The following PDZD2 variants were observed in gnomAD, a reference collection of about 807,000 sequenced individuals.
The protein encoded by PDZD2 is PDZ domain-containing protein 2.
A neutral mutation model predicts 220.7 loss-of-function variants in PDZD2; 90 were observed. The observed-to-expected ratio is 0.41, with a 90% CI of 0.34 to 0.49. The LOEUF is 0.49. Among genes scored for constraint, PDZD2 ranks in the 20% least tolerant of loss-of-function variants. PDZD2 has a pLI of 0.28. For synonymous variants in PDZD2, 1,375 were observed against 1,450.5 expected (o/e 0.95, Z 1.18); for missense variants, 3,174 against 3,608.5 (o/e 0.88, Z 3.08).
At chr5:31,860,657 T>G (rs1271020968) in intron 2 of PDZD2, among the ~76,000 whole-genome samples, 1 of 152,168 alleles carries the variant, frequency 6.6e-6, no homozygotes, top group African/African-American at 2.4e-5. Context: ...AACTTTCATC[T>G]CAGCAGTAGT....
intron 6 of PDZD2, among the ~76,000 whole-genome samples, chr5:32,017,814 G>T (rs1048212833): frequency 6.6e-6 from 1 of 152,178 alleles, no homozygotes; most frequent in East Asian, 1.9e-4. Context: ...AAATAAGTGG[G>T]ATATAAGTGA....
chr5:31,928,340 A>G (rs1217230249), intron 2 of PDZD2, among the ~76,000 whole-genome samples: 1 of 152,212 alleles, frequency 6.6e-6, no homozygotes, highest in Admixed American at 6.5e-5. Flanking sequence ...AGGTGCTGGT[A>G]AATACTTCTC....
At chr5:31,668,464 A>C (rs1746090122) in intron 1 of PDZD2, among the ~76,000 whole-genome samples, 1 of 152,180 alleles carries the variant, frequency 6.6e-6, no homozygotes, top group African/African-American at 2.4e-5. Context: ...TGCCCAAATA[A>C]ATCCTTGGAT....
At chr5:31,704,743 C>T (rs766267674) in intron 1 of PDZD2, among the ~76,000 whole-genome samples, 1 of 152,166 alleles carries the variant, frequency 6.6e-6, no homozygotes, top group Non-Finnish European at 1.5e-5. Flanking sequence ...ACTCCCCTCA[C>T]CTAAATTAAG....
intron 2 of PDZD2, among the ~76,000 whole-genome samples, chr5:31,975,889 G>A (rs530658502): frequency 2.8e-5 from 4 of 141,512 alleles, no homozygotes; most frequent in East Asian, 4.1e-4. Flanking sequence ...CTGCAGCCTC[G>A]ACCTCCTAGG....
chr5:32,070,582 G>C (rs530030858), intron 15 of PDZD2, among the ~76,000 whole-genome samples: 48 of 152,320 alleles, frequency 3.2e-4, no homozygotes, highest in African/African-American at 1.2e-3. Flanking sequence ...AACTAAAATA[G>C]ATATTCAGTC....
chr5:31,665,375 C>G (rs780152054), intron 1 of PDZD2, among the ~76,000 whole-genome samples: 1 of 152,186 alleles, frequency 6.6e-6, no homozygotes, highest in Non-Finnish European at 1.5e-5. Context: ...CCCCAAGAAG[C>G]CTTTCCTGGA....
At chr5:31,653,978 G>A (rs530598189) in intron 1 of PDZD2, among the ~76,000 whole-genome samples, 2 of 152,224 alleles carry the variant, frequency 1.3e-5, no homozygotes, top group South Asian at 4.2e-4. Context: ...TAGAGACGGG[G>A]TTTCACCGTG....
At position 32,089,586 on chromosome 5, in the gene PDZD2, C is replaced by G; in HGVS notation, c.6138C>G (p.Ser2046=). 1 of 1,612,496 alleles carries G rather than the reference C, an allele frequency of 6.2e-7. No homozygotes were observed. The highest frequency in any genetic ancestry group is 8.5e-7 in the Non-Finnish European group (1 of 1,179,988). ...CGGCAGCGTCTAGGAACGGCATGTC[C>G]GTGGCAGGGAACAGACAGAGTGAGC... ...VSPAASRNGM[S]VAGNRQSEPR... is the part of the protein sequence containing the mutation. The change falls in exon 20 of 25, where the codon TCC becomes TCG. Residue 2046 remains serine (S), a synonymous_variant. Transcript: ENST00000438447.
intron 1 of PDZD2, among the ~76,000 whole-genome samples, chr5:31,778,692 G>C (rs1179066873): frequency 6.6e-6 from 1 of 152,104 alleles, no homozygotes; most frequent in African/African-American, 2.4e-5. Context: ...TCACCGGGAG[G>C]GTCCGCGGCT....
intron 2 of PDZD2, among the ~76,000 whole-genome samples, chr5:31,815,699 C>G (rs946391086): frequency 1.3e-5 from 2 of 152,138 alleles, no homozygotes; most frequent in African/African-American, 2.4e-5. Flanking sequence ...TCCCCTTGAC[C>G]AAGAAGCAGG....
intron 2 of PDZD2, among the ~76,000 whole-genome samples, chr5:31,869,743 T>C (rs936708908): frequency 1.3e-5 from 2 of 152,140 alleles, no homozygotes; most frequent in Non-Finnish European, 2.9e-5. Context: ...AAATTCTCCG[T>C]CTCTTACAGC....
chr5:31,697,189 G>A (rs146069500), intron 1 of PDZD2, among the ~76,000 whole-genome samples: 2,294 of 152,308 alleles, frequency 0.015, 25 homozygotes, highest in Non-Finnish European at 0.025. Flanking sequence ...ACAGCTGAGC[G>A]TGGCGGCTCA....
At chr5:31,959,504 A>G (rs1343158201) in intron 2 of PDZD2, among the ~76,000 whole-genome samples, 2 of 151,920 alleles carry the variant, frequency 1.3e-5, no homozygotes, top group Admixed American at 1.3e-4. Flanking sequence ...GATTACAGGC[A>G]TGCACCACCA....
intron 2 of PDZD2, chr5:31,855,030 C>T (rs976303244): frequency 4.1e-6 from 4 of 985,232 alleles, no homozygotes; most frequent in African/African-American, 3.5e-5. Context: ...GGGCCGCCTG[C>T]AGGTGATTAG....
intron 2 of PDZD2, among the ~76,000 whole-genome samples, chr5:31,841,749 G>A (rs755804513): frequency 7.9e-5 from 12 of 151,660 alleles, no homozygotes; most frequent in South Asian, 2.1e-4. Context: ...GAGGCAGGCC[G>A]ATCATGAGGT....
intron 1 of PDZD2, among the ~76,000 whole-genome samples, chr5:31,689,336 C>CATATGCATATATAT (rs1747009210): frequency 1.8e-5 from 1 of 55,224 alleles, no homozygotes; most frequent in African/African-American, 1.1e-4. Flanking sequence ...TATACATATA[C>CATATGCATATATAT]ATATATATAT....
At position 32,029,037 on chromosome 5, in the gene PDZD2, G is replaced by A. The variant is rs145029141; in HGVS notation, c.1408-8194G>A. ...TCCTTGGTGCTGGATGCTGGAAAAAGATTGTGTTTTTCAGCATCTGCAGCC... is the reference window on the plus strand; with the variant it reads ...TCCTTGGTGCTGGATGCTGGAAAAAAATTGTGTTTTTCAGCATCTGCAGCC... On this transcript the variant is annotated intron_variant, in intron 6 of 24. Transcript: ENST00000438447. 5.3e-4 allele frequency among the ~76,000 whole-genome samples: 81 copies of A among 152,222 alleles called. No homozygotes were observed. In the East Asian group the frequency reaches 0.013, roughly 25 times the overall value.
At chr5:32,005,978 C>T (rs959100105) in intron 5 of PDZD2, among the ~76,000 whole-genome samples, 1 of 152,014 alleles carries the variant, frequency 6.6e-6, no homozygotes, top group Non-Finnish European at 1.5e-5. Flanking sequence ...GAAACCCTGT[C>T]TCTACTAAAA....
Sources: gnomAD v4.1 joint callset for allele counts (sites outside exome capture counted in the v4.1 genomes callset) on GRCh38, gnomAD v4.1.1 for gene constraint, MANE v1.5 for transcripts, NCBI Gene and HGNC (gene_info 2026-07-23, HGNC 2026-07-21) for gene names.